The following CFAP410 variants were observed in gnomAD, a reference collection of about 807,000 sequenced individuals.
CFAP410 encodes the protein cilia- and flagella-associated protein 410.
In CFAP410, 27 loss-of-function variants were observed where a neutral mutation model predicts 25.7. The ratio of observed to expected loss-of-function variants is 1.05; its 90% CI spans 0.77 to 1.45. CFAP410 has a LOEUF of 1.45. Among genes scored for constraint, CFAP410 ranks in the 40% most tolerant of loss-of-function variants. CFAP410 has a pLI of 0.00. For synonymous variants in CFAP410, 178 were observed against 158.4 expected (o/e 1.12, Z -0.93); for missense variants, 428 against 354.1 (o/e 1.21, Z -1.67).
chr21:44,337,245 G>A (rs995662559), intron 2 of CFAP410, among the ~76,000 whole-genome samples: 1 of 152,172 alleles, frequency 6.6e-6, no homozygotes, highest in Non-Finnish European at 1.5e-5. Flanking sequence ...TGCCTTTGGG[G>A]CAGCGGCAAG....
At chr21:44,334,209 G>C (rs2047705946) in intron 3 of CFAP410, 1 of 456,208 alleles carries the variant, frequency 2.2e-6, no homozygotes, top group African/African-American at 2.0e-5. Context: ...ACGCACCTGA[G>C]CTCGGTCAAC....
chr21:44,332,896 G>A, intron 4 of CFAP410, 137 bp downstream of exon 4: 1 of 649,760 alleles, frequency 1.5e-6, no homozygotes, highest in Non-Finnish European at 2.7e-6. Flanking sequence ...AACAGCCTCT[G>A]GAGGAGACTT....
chr21:44,337,152 G>A (rs1568992300), intron 2 of CFAP410, among the ~76,000 whole-genome samples: 1 of 151,878 alleles, frequency 6.6e-6, no homozygotes, highest in African/African-American at 2.4e-5. Context: ...ATTTTGGACT[G>A]AGAAAGACAA....
chr21:44,330,980 C>A, intron 5 of CFAP410, 61 bp from the exon 6 acceptor site: 1 of 1,401,276 alleles, frequency 7.1e-7, no homozygotes, highest in Non-Finnish European at 9.7e-7. Flanking sequence ...GGGGCCTCTG[C>A]AAACCCTGTC....
rs772736437 is a variant in CFAP410, at chr21:44,330,195, C to A, written c.*3G>T. ...AGGCTGGAGCGGCGTTCAGGTCCTG[C>A]GGTCACTCGGCGTGCTCCTGCACCT... On this transcript the variant is annotated 3_prime_UTR_variant, in exon 7 of 7. Coordinates refer to ENST00000339818, the MANE Select transcript of CFAP410 (RefSeq NM_004928.3). 9 of 1,559,792 alleles carry A rather than the reference C, an allele frequency of 5.8e-6. No individual in the cohort carries two copies. The East Asian group carries it at 1.9e-4, about 33-fold the overall frequency.
rs142932867 is a variant in CFAP410, at chr21:44,330,472, C to T, written c.643-146G>A. The T allele has an allele frequency of 9.1e-3, 13,977 of 1,532,098 alleles. 91 individuals carry two copies. The highest frequency in any genetic ancestry group is 0.024 in the Middle Eastern group (139 of 5,912). 94.9% of individuals were successfully genotyped at this position (1,532,098 alleles called of 1,614,324 possible). A position where few individuals can be genotyped will look rare whatever the true frequency, so the allele number is the denominator to read the frequency against. On this transcript the variant is annotated intron_variant, in intron 6 of 6. Coordinates refer to ENST00000339818, the MANE Select transcript of CFAP410 (RefSeq NM_004928.3). ...CGTCCAAGTGACTGACCGGCACACT[C>T]GGAGAATCTGAGCAGAGGAGCCCCG...
intron 2 of CFAP410, among the ~76,000 whole-genome samples, chr21:44,337,242 G>T (rs1332017399): frequency 6.6e-6 from 1 of 152,170 alleles, no homozygotes; most frequent in Non-Finnish European, 1.5e-5. Context: ...GCCTGCCTTT[G>T]GGGCAGCGGC....
At chr21:44,333,991 C>T in intron 3 of CFAP410, 1 of 409,730 alleles carries the variant, frequency 2.4e-6, no homozygotes, top group Non-Finnish European at 5.0e-6. Context: ...CCCCCCTCCC[C>T]ATGCCATCCC....
intron 1 of CFAP410, chr21:44,338,383 T>TC: frequency 8.9e-7 from 1 of 1,127,536 alleles, no homozygotes; most frequent in Non-Finnish European, 1.2e-6. Flanking sequence ...AACTCCAGGC[T>TC]CCCTCTTCTG....
intron 5 of CFAP410, chr21:44,331,468 G>A (rs1275734198): frequency 1.4e-5 from 4 of 295,024 alleles, no homozygotes; most frequent in Non-Finnish European, 2.6e-5. Context: ...AAGGCCATAC[G>A]GGCACTGATG....
intron 1 of CFAP410, chr21:44,338,413 G>C (rs2047795196): frequency 1.2e-6 from 1 of 833,182 alleles, no homozygotes; most frequent in Non-Finnish European, 1.7e-6. Context: ...GGTCTTCCTT[G>C]GCTCAGTGAG....
chr21:44,338,508 CG>C (rs1490351878), intron 1 of CFAP410: 3 of 356,480 alleles, frequency 8.4e-6, no homozygotes, highest in Non-Finnish European at 1.7e-5. Context: ...ACCCTGGGAA[CG>C]GCCGCCCCCA....
intron 5 of CFAP410, 35 bp downstream of exon 5, chr21:44,331,808 T>G (rs539517944): frequency 6.3e-7 from 1 of 1,595,676 alleles, no homozygotes; most frequent in Admixed American, 1.7e-5. Flanking sequence ...GGGACAGGGA[T>G]GGGCTGCGGA....
intron 2 of CFAP410, 71 bp from the exon 3 acceptor site, chr21:44,335,875 A>G (rs1354533607): frequency 8.1e-7 from 1 of 1,233,342 alleles, no homozygotes; most frequent in African/African-American, 1.7e-5. Flanking sequence ...CATCAGCCAC[A>G]GAGAACTGTC....
intron 6 of CFAP410, 170 bp downstream of exon 6, chr21:44,330,653 A>G: frequency 2.6e-6 from 4 of 1,548,748 alleles, no homozygotes; most frequent in Non-Finnish European, 3.5e-6. Context: ...GTGCGCATTC[A>G]CAGACCCGCA....
At chr21:44,336,952 G>A (rs2047767552) in intron 2 of CFAP410, 1 of 151,926 alleles carries the variant, frequency 6.6e-6, no homozygotes, top group East Asian at 1.9e-4. Flanking sequence ...CAGGCATGGT[G>A]GTGGGTGCCT....
chr21:44,338,858 T>G (rs1408613941), intron 1 of CFAP410: 1 of 71,586 alleles, frequency 1.4e-5, no homozygotes, highest in Non-Finnish European at 2.7e-5. Context: ...CCCCGGCTCC[T>G]CCCTCCGGCT....
At chr21:44,336,449 A>C (rs910625964) in intron 2 of CFAP410, among the ~76,000 whole-genome samples, 34 of 152,182 alleles carry the variant, frequency 2.2e-4, no homozygotes, top group African/African-American at 8.0e-4. Flanking sequence ...GCCAAAAGGA[A>C]GACAGGCTTG....
intron 2 of CFAP410, 36 bp from the exon 3 acceptor site, chr21:44,335,840 CA>C: frequency 6.5e-7 from 1 of 1,533,310 alleles, no homozygotes; most frequent in South Asian, 1.2e-5. Flanking sequence ...AAGCATGGCA[CA>C]GCAGGGCATC....
Sources: allele counts gnomAD v4.1 joint callset (sites outside exome capture counted in the v4.1 genomes callset), GRCh38; gene constraint gnomAD v4.1.1; transcripts MANE v1.5; gene names NCBI Gene and HGNC (gene_info 2026-07-23, HGNC 2026-07-21).